CTNNA3: variants seen among roughly 807,000 people sequenced by gnomAD.
CTNNA3 encodes the protein catenin alpha-3.
In CTNNA3, 76 loss-of-function variants were observed where a neutral mutation model predicts 95.7. The ratio of observed to expected loss-of-function variants is 0.79; its 90% CI spans 0.66 to 0.96. The LOEUF is 0.96. CTNNA3 is among the 40% of genes least tolerant of loss of function. CTNNA3 has a pLI of 0.00. For missense variants in CTNNA3, 1,191 were observed against 1,089.8 expected (o/e 1.09, Z -1.31); for synonymous variants, 431 against 374.4 (o/e 1.15, Z -1.74).
chr10:67,179,847 CA>C (rs1385198099), intron 7 of CTNNA3, among the ~76,000 whole-genome samples: 1 of 152,028 alleles, frequency 6.6e-6, no homozygotes, highest in Non-Finnish European at 1.5e-5. Flanking sequence ...ACAACAACAA[CA>C]AAAAAACATA....
chr10:66,043,150 AAAAAGAGAG>A (rs1048134750), intron 15 of CTNNA3, among the ~76,000 whole-genome samples: 1 of 149,536 alleles, frequency 6.7e-6, no homozygotes, highest in African/African-American at 2.5e-5. Context: ...AAAAAAAAAA[AAAAAGAGAG>A]AGAGAGAAGA....
chr10:67,247,827 A>G (rs140269149), intron 5 of CTNNA3, among the ~76,000 whole-genome samples: 21 of 152,330 alleles, frequency 1.4e-4, no homozygotes, highest in African/African-American at 5.1e-4. Flanking sequence ...TTATACAAAC[A>G]TATCAATTAA....
intron 9 of CTNNA3, among the ~76,000 whole-genome samples, chr10:66,645,789 G>C (rs1168583409): frequency 6.6e-6 from 1 of 152,114 alleles, no homozygotes; most frequent in Non-Finnish European, 1.5e-5. Context: ...ATCTGAGGTG[G>C]CACAGTTTCA....
At chr10:66,027,228 A>G (rs1289550513) in intron 15 of CTNNA3, among the ~76,000 whole-genome samples, 3 of 152,150 alleles carry the variant, frequency 2.0e-5, no homozygotes, top group African/African-American at 7.2e-5. Flanking sequence ...AAATTGGAAG[A>G]TAAAAATTAT....
At chr10:66,317,580 G>A (rs1229971078) in intron 12 of CTNNA3, among the ~76,000 whole-genome samples, 1 of 151,860 alleles carries the variant, frequency 6.6e-6, no homozygotes, top group Non-Finnish European at 1.5e-5. Context: ...GGCTGAGGCA[G>A]GAGAATTATT....
chr10:67,342,392 G>A (rs559685752), intron 5 of CTNNA3, among the ~76,000 whole-genome samples: 2 of 152,108 alleles, frequency 1.3e-5, no homozygotes, highest in East Asian at 1.9e-4. Context: ...GTGAGCCACC[G>A]CACCCGGCCT....
rs545388576 is a variant in CTNNA3, at chr10:66,818,624, T to A, written c.1048-43100A>T. 3.3e-5 allele frequency among the ~76,000 whole-genome samples: 5 copies of A among 152,296 alleles called. No individual in the cohort carries two copies. The South Asian group carries it at 1.0e-3, about 32-fold the overall frequency. ...GAAGTTTTAAATAAATGGAAAGACATTCTGGGGAATGGATTGGAAGAATTA... is the reference window on the plus strand; with the variant it reads ...GAAGTTTTAAATAAATGGAAAGACAATCTGGGGAATGGATTGGAAGAATTA... On this transcript the variant is annotated intron_variant, in intron 7 of 17. Transcript: ENST00000433211.
chr10:67,240,943 A>G (rs1865697518), intron 5 of CTNNA3, among the ~76,000 whole-genome samples: 1 of 152,220 alleles, frequency 6.6e-6, no homozygotes, highest in Admixed American at 6.5e-5. Context: ...TTGTTTGCTT[A>G]GAATTTATAT....
At chr10:67,423,037 T>C (rs993288254) in intron 5 of CTNNA3, among the ~76,000 whole-genome samples, 1 of 152,158 alleles carries the variant, frequency 6.6e-6, no homozygotes, top group African/African-American at 2.4e-5. Context: ...TTATGCAAAG[T>C]GATATGAAAG....
chr10:66,175,000 T>C (rs531126712), intron 13 of CTNNA3, among the ~76,000 whole-genome samples: 2 of 152,238 alleles, frequency 1.3e-5, no homozygotes, highest in African/African-American at 4.8e-5. Flanking sequence ...TAAATGATAA[T>C]CAATGTGTCA....
intron 17 of CTNNA3, among the ~76,000 whole-genome samples, chr10:65,962,475 G>A (rs1295889237): frequency 6.6e-6 from 1 of 151,964 alleles, no homozygotes; most frequent in Non-Finnish European, 1.5e-5. Flanking sequence ...ATTTTCCTCA[G>A]AATTGTTCCT....
At chr10:66,380,485 G>C (rs2092828826) in intron 11 of CTNNA3, among the ~76,000 whole-genome samples, 1 of 151,802 alleles carries the variant, frequency 6.6e-6, no homozygotes, top group Admixed American at 6.6e-5. Context: ...GCATGTTGCT[G>C]TAGTCCTAGT....
At chr10:66,785,834 C>T (rs1306582272) in intron 7 of CTNNA3, among the ~76,000 whole-genome samples, 1 of 152,040 alleles carries the variant, frequency 6.6e-6, no homozygotes, top group Non-Finnish European at 1.5e-5. Flanking sequence ...CAGATTTTTT[C>T]CATTTGCCCC....
At chr10:67,728,681 A>G (rs944822260) in intron 1 of CTNNA3, among the ~76,000 whole-genome samples, 2 of 152,056 alleles carry the variant, frequency 1.3e-5, no homozygotes, top group East Asian at 1.9e-4. Context: ...TTTCATTAAC[A>G]TATGTAATTA....
intron 7 of CTNNA3, among the ~76,000 whole-genome samples, chr10:66,986,943 G>T (rs12250966): frequency 0.029 from 4,338 of 152,154 alleles, 199 homozygotes; most frequent in African/African-American, 0.098. Flanking sequence ...TTTGAATAAG[G>T]AGTCAAGGTC....
chr10:67,095,568 A>G (rs572576541), intron 7 of CTNNA3, among the ~76,000 whole-genome samples: 29 of 152,002 alleles, frequency 1.9e-4, no homozygotes, highest in African/African-American at 6.5e-4. Flanking sequence ...GTGTGTGCAC[A>G]CACACACACA....
intron 17 of CTNNA3, among the ~76,000 whole-genome samples, chr10:65,939,625 T>A (rs2077397839): frequency 6.6e-6 from 1 of 152,186 alleles, no homozygotes; most frequent in East Asian, 1.9e-4. Flanking sequence ...TTAGTGTAAT[T>A]TTTTGAGTCT....
intron 1 of CTNNA3, among the ~76,000 whole-genome samples, chr10:67,707,385 ACTCT>A (rs1480601921): frequency 6.6e-6 from 1 of 152,022 alleles, no homozygotes; most frequent in African/African-American, 2.4e-5. Context: ...CTCCAGATAT[ACTCT>A]CTATTTATAA....
At chr10:66,926,860 C>A in intron 7 of CTNNA3, 1 of 1,428,616 alleles carries the variant, frequency 7.0e-7, no homozygotes, top group Non-Finnish European at 9.4e-7. Context: ...CCTATTTTTG[C>A]TTGATTAAGG....
Sources: allele counts gnomAD v4.1 joint callset (sites outside exome capture counted in the v4.1 genomes callset), GRCh38; gene constraint gnomAD v4.1.1; transcripts MANE v1.5; gene names NCBI Gene and HGNC (gene_info 2026-07-23, HGNC 2026-07-21).